Variants in PALLD observed in about 807,000 individuals in gnomAD.
PALLD encodes palladin.
A neutral mutation model predicts 123.5 loss-of-function variants in PALLD; 61 were observed. The observed-to-expected ratio is 0.49, with a 90% CI of 0.40 to 0.61. The LOEUF (loss-of-function observed/expected upper bound fraction) is 0.61, where lower values mean the gene tolerates loss of function less well. Ranked by LOEUF, PALLD falls within the 20% of genes least tolerant of loss-of-function variation. PALLD has a pLI of 0.00. For missense variants in PALLD, 1,273 were observed against 1,377.0 expected (o/e 0.92, Z 1.20); for synonymous variants, 465 against 496.4 (o/e 0.94, Z 0.84).
chr4:168,896,208 CA>C (rs35567491), intron 12 of PALLD, among the ~76,000 whole-genome samples: 1,460 of 132,156 alleles, frequency 0.011, 20 homozygotes, highest in African/African-American at 0.037. Context: ...GACTCCATCT[CA>C]AAAAAAAAAA....
chr4:168,812,065 C>T (rs557696799), intron 10 of PALLD, among the ~76,000 whole-genome samples: 6 of 152,230 alleles, frequency 3.9e-5, no homozygotes, highest in East Asian at 3.9e-4. Flanking sequence ...AAGGAAAAAA[C>T]GTATTTCCAT....
intron 2 of PALLD, among the ~76,000 whole-genome samples, chr4:168,573,425 G>A (rs916858368): frequency 1.3e-5 from 2 of 151,950 alleles, no homozygotes; most frequent in African/African-American, 4.8e-5. Flanking sequence ...AGCTGAGTTT[G>A]TCTGTCTTTC....
intron 10 of PALLD, among the ~76,000 whole-genome samples, chr4:168,831,652 G>A (rs1744218249): frequency 6.6e-6 from 1 of 151,994 alleles, no homozygotes; most frequent in Non-Finnish European, 1.5e-5. Flanking sequence ...CCATTCTACC[G>A]TGAGTTTTTA....
At chr4:168,638,096 T>C (rs527884781) in intron 2 of PALLD, among the ~76,000 whole-genome samples, 1 of 152,290 alleles carries the variant, frequency 6.6e-6, no homozygotes, top group African/African-American at 2.4e-5. Context: ...TTATTCTGCC[T>C]TAATTCCATT....
intron 2 of PALLD, among the ~76,000 whole-genome samples, chr4:168,651,581 T>C (rs1290407903): frequency 3.3e-5 from 5 of 152,138 alleles, no homozygotes; most frequent in African/African-American, 9.7e-5. Flanking sequence ...GGAACTCTTT[T>C]TTTTTCCCCC....
intron 2 of PALLD, among the ~76,000 whole-genome samples, chr4:168,591,392 T>C (rs1006758520): frequency 1.3e-5 from 2 of 152,186 alleles, no homozygotes; most frequent in Admixed American, 6.5e-5. Flanking sequence ...AGTGGGTCCT[T>C]ATCCTCCCTG....
Position 168,921,851 on chromosome 4 carries a change from A to G in PALLD, c.3058+110A>G. 3 of 879,702 alleles carry G rather than the reference A, an allele frequency of 3.4e-6. No homozygotes were observed. In the South Asian group the frequency reaches 4.2e-5, roughly 12 times the overall value. 54.5% of individuals were successfully genotyped at this position (879,702 alleles called of 1,614,324 possible). A position where few individuals can be genotyped will look rare whatever the true frequency, so the allele number is the denominator to read the frequency against. On this transcript the variant is annotated intron_variant, in intron 18 of 21. Transcript: ENST00000505667. ...ACGGAAAATAAAGTATTGAAAAAAT[A>G]GATTGTATCATCAAAATAGCCAATG...
intron 10 of PALLD, among the ~76,000 whole-genome samples, chr4:168,860,628 G>A (rs1427861099): frequency 6.6e-6 from 1 of 152,142 alleles, no homozygotes; most frequent in African/African-American, 2.4e-5. Flanking sequence ...TTTGAGGCCA[G>A]CCTGGCCAAC....
rs1042171513 is a variant in PALLD at position 168,926,735 on chromosome 4, C to T, written c.*555C>T. ...TGCCTTTAAACACAAGATATAGGTG[C>T]TGTGTAGCCTGATAGTGTGAAATGT... is the stretch of plus-strand genomic sequence containing the variant. On this transcript the variant is annotated 3_prime_UTR_variant, in exon 22 of 22. Transcript: ENST00000505667. The T allele has an allele frequency of 1.4e-5, 4 of 277,338 alleles. No individual in the cohort carries two copies. The highest frequency in any genetic ancestry group is 2.1e-5 in the Non-Finnish European group (3 of 145,336). 17.2% of individuals were successfully genotyped at this position (277,338 alleles called of 1,614,324 possible).
chr4:168,749,381 T>C (rs923186585), intron 10 of PALLD, among the ~76,000 whole-genome samples: 1 of 150,350 alleles, frequency 6.7e-6, no homozygotes, highest in African/African-American at 2.5e-5. Flanking sequence ...TGTAACTAAT[T>C]GAGTGAGTGA....
intron 10 of PALLD, 140 bp downstream of exon 10, chr4:168,712,063 T>C (rs1404110875): frequency 2.4e-5 from 17 of 711,264 alleles, no homozygotes; most frequent in Non-Finnish European, 3.3e-5. Flanking sequence ...AAGTGGTGTC[T>C]TTCAACAATA....
At chr4:168,782,747 A>G (rs1193825848) in intron 10 of PALLD, among the ~76,000 whole-genome samples, 1 of 137,348 alleles carries the variant, frequency 7.3e-6, no homozygotes, top group Non-Finnish European at 1.5e-5. Flanking sequence ...TGTCTTTACT[A>G]AAAAAAAAAA....
chr4:168,579,287 T>C (rs186281778), intron 2 of PALLD, among the ~76,000 whole-genome samples: 24 of 152,240 alleles, frequency 1.6e-4, no homozygotes, highest in African/African-American at 5.5e-4. Context: ...TGATGTCTCC[T>C]CCAGAGGGAC....
chr4:168,877,719 C>T (rs1751947896), intron 10 of PALLD: 1 of 1,138,848 alleles, frequency 8.8e-7, no homozygotes, highest in African/African-American at 1.6e-5. Context: ...CTTTTTCCCC[C>T]CAGGGACCCT....
At position 168,769,917 on chromosome 4, in the gene PALLD, C is replaced by T. The variant is rs1734168855; in HGVS notation, c.1964+57994C>T. 1.3e-5 allele frequency among the ~76,000 whole-genome samples: 2 copies of T among 152,134 alleles called. 1 individual carries two copies. The highest frequency in any genetic ancestry group is 1.3e-4 in the Admixed American group (2 of 15,276). On this transcript the variant is annotated intron_variant, in intron 10 of 21. Transcript: ENST00000505667. Reference sequence around the variant, plus strand: ...CTGCTATTAAAATATTTCATCTCTCCCAAATGAGGCCATGCACAAATTTCC... The same window carrying T: ...CTGCTATTAAAATATTTCATCTCTCTCAAATGAGGCCATGCACAAATTTCC...
chr4:168,860,381 A>G (rs1320181837), intron 10 of PALLD, among the ~76,000 whole-genome samples: 1 of 152,190 alleles, frequency 6.6e-6, no homozygotes. Context: ...AAAGAAATAC[A>G]TCAGTGTAGT....
chr4:168,691,019 G>A (rs562211179), intron 7 of PALLD, among the ~76,000 whole-genome samples: 137 of 152,260 alleles, frequency 9.0e-4, no homozygotes, highest in African/African-American at 3.2e-3. Context: ...CAGGCTCCTA[G>A]AGCCCATCTA....
intron 10 of PALLD, among the ~76,000 whole-genome samples, chr4:168,824,195 C>T (rs1274318929): frequency 2.0e-5 from 3 of 152,120 alleles, no homozygotes; most frequent in Admixed American, 6.5e-5. Context: ...TTATGGTTGC[C>T]GTATTTTCTT....
chr4:168,702,582 C>T (rs931979761), intron 8 of PALLD, among the ~76,000 whole-genome samples: 1 of 151,958 alleles, frequency 6.6e-6, no homozygotes, highest in African/African-American at 2.4e-5. Context: ...ACATGCGTGT[C>T]GGAGATGGGA....
Sources: gnomAD v4.1 joint callset for allele counts (sites outside exome capture counted in the v4.1 genomes callset) on GRCh38, gnomAD v4.1.1 for gene constraint, MANE v1.5 for transcripts, NCBI Gene and HGNC (gene_info 2026-07-23, HGNC 2026-07-21) for gene names.